TTC28: variants seen among roughly 807,000 people sequenced by gnomAD.
TTC28 encodes the protein tetratricopeptide repeat domain 28.
TTC28 carries 61 observed loss-of-function variants against 198.0 expected under a neutral mutation model. The ratio of observed to expected loss-of-function variants is 0.31; its 90% CI spans 0.25 to 0.38. TTC28 has a LOEUF of 0.38. Ranked by LOEUF, TTC28 falls within the 10% of genes least tolerant of loss-of-function variation. TTC28 has a pLI of 1.00. For synonymous variants in TTC28, 1,171 were observed against 1,297.8 expected (o/e 0.90, Z 2.10); for missense variants, 2,678 against 3,164.0 (o/e 0.85, Z 3.69).
At chr22:28,080,799 T>C (rs980284433) in intron 12 of TTC28, among the ~76,000 whole-genome samples, 1 of 152,184 alleles carries the variant, frequency 6.6e-6, no homozygotes, top group Admixed American at 6.5e-5. Flanking sequence ...TGTTTTCCTT[T>C]AGGAGTTTTA....
intron 5 of TTC28, among the ~76,000 whole-genome samples, chr22:28,201,858 G>T (rs1925981990): frequency 6.6e-6 from 1 of 151,890 alleles, no homozygotes; most frequent in Non-Finnish European, 1.5e-5. Context: ...CCTGAACAGG[G>T]GTGATGGCCC....
chr22:28,345,745 T>C (rs1444322268), intron 2 of TTC28, among the ~76,000 whole-genome samples: 2 of 152,160 alleles, frequency 1.3e-5, no homozygotes, highest in Non-Finnish European at 2.9e-5. Flanking sequence ...TTATATTGGT[T>C]TTACGAAAAC....
At position 27,979,693 on chromosome 22, in the gene TTC28, T is replaced by TTTAA. The variant is rs1240760687; in HGVS notation, c.*2524_*2527dup. 6.6e-6 allele frequency: 1 copy of TTTAA among 152,240 alleles called. No homozygotes were observed. The highest frequency in any genetic ancestry group is 1.9e-4 in the East Asian group (1 of 5,200). The allele number at this position is 152,240 out of a possible 1,614,324, so 9.4% of individuals were successfully genotyped here. On this transcript the variant is annotated 3_prime_UTR_variant, in exon 23 of 23. Coordinates refer to ENST00000397906, the MANE Select transcript of TTC28 (RefSeq NM_001145418.2). Reference sequence around the variant, plus strand: ...AATCTTGGTGAATTATACAATTTCCTTTAATTCTAAGTGCATACTTTTTCC... The same window carrying TTTAA: ...AATCTTGGTGAATTATACAATTTCCTTTAATTAATTCTAAGTGCATACTTTTTCC...
chr22:28,229,158 AAAAC>A (rs753373051), intron 5 of TTC28, among the ~76,000 whole-genome samples: 1 of 152,350 alleles, frequency 6.6e-6, no homozygotes, highest in Admixed American at 6.5e-5. Flanking sequence ...TCCATCTCAA[AAAAC>A]AAACAAACAA....
At chr22:28,051,961 A>G (rs1463285544) in intron 12 of TTC28, among the ~76,000 whole-genome samples, 1 of 152,042 alleles carries the variant, frequency 6.6e-6, no homozygotes, top group African/African-American at 2.4e-5. Context: ...GTTACTTTGG[A>G]GCTTCCATGA....
chr22:28,369,678 T>C (rs575485377), intron 2 of TTC28, among the ~76,000 whole-genome samples: 26 of 152,172 alleles, frequency 1.7e-4, no homozygotes, highest in Non-Finnish European at 2.9e-4. Flanking sequence ...CTCCTTTCCT[T>C]AAATATAATA....
intron 5 of TTC28, among the ~76,000 whole-genome samples, chr22:28,236,964 G>A (rs1028505048): frequency 6.6e-6 from 1 of 152,066 alleles, no homozygotes; most frequent in Non-Finnish European, 1.5e-5. Context: ...ACCTATAATG[G>A]CCTCTCCCAA....
chr22:28,505,397 G>C (rs988019828), intron 2 of TTC28, among the ~76,000 whole-genome samples: 67 of 152,068 alleles, frequency 4.4e-4, no homozygotes, highest in South Asian at 2.1e-4. Context: ...GAAATATCCA[G>C]GTCCTCACAG....
chr22:28,641,404 C>A (rs2051363519), intron 1 of TTC28, among the ~76,000 whole-genome samples: 2 of 151,798 alleles, frequency 1.3e-5, no homozygotes, highest in African/African-American at 4.8e-5. Context: ...GTGCAAGAAG[C>A]AAGTCACAAA....
At chr22:28,170,985 T>G (rs1395040380) in intron 5 of TTC28, among the ~76,000 whole-genome samples, 2 of 151,774 alleles carry the variant, frequency 1.3e-5, no homozygotes, top group Non-Finnish European at 2.9e-5. Context: ...TCATTCTTTT[T>G]TTTTTTTTTT....
At chr22:28,432,082 G>T (rs1205707777) in intron 2 of TTC28, among the ~76,000 whole-genome samples, 1 of 151,844 alleles carries the variant, frequency 6.6e-6, no homozygotes, top group African/African-American at 2.4e-5. Context: ...TCAGGAGATC[G>T]AGACCATCCT....
chr22:28,322,951 C>G (rs2045470248), intron 2 of TTC28, among the ~76,000 whole-genome samples: 1 of 152,178 alleles, frequency 6.6e-6, no homozygotes, highest in South Asian at 2.1e-4. Context: ...CAGTCTTCAA[C>G]ATTTTCTACT....
At chr22:28,316,715 AAGTTC>A (rs1327616142) in intron 2 of TTC28, among the ~76,000 whole-genome samples, 1 of 152,032 alleles carries the variant, frequency 6.6e-6, no homozygotes, top group Non-Finnish European at 1.5e-5. Context: ...TTGTTTTTGA[AAGTTC>A]AGTTTTCAGT....
At chr22:28,013,711 G>A (rs1026658345) in intron 14 of TTC28, among the ~76,000 whole-genome samples, 6 of 152,192 alleles carry the variant, frequency 3.9e-5, no homozygotes, top group African/African-American at 1.4e-4. Flanking sequence ...GGCGCAAGGT[G>A]CAAAGAAGCC....
chr22:28,188,323 T>C (rs1054119429), intron 5 of TTC28, among the ~76,000 whole-genome samples: 4 of 151,932 alleles, frequency 2.6e-5, no homozygotes, highest in Non-Finnish European at 4.4e-5. Flanking sequence ...GGTAGCTAAT[T>C]TAGTAGGACA....
In TTC28 at chr22:28,417,213, C is replaced by G. The variant is rs539113211; in HGVS notation, c.382-110570G>C. ...AGACCAGCCTAGGCAAGAGTAATCC[C>G]AACACTTTGAGAGGCCAAAGTGGGA... On this transcript the variant is annotated intron_variant, in intron 2 of 22. Transcript: ENST00000397906. 2.3e-3 allele frequency among the ~76,000 whole-genome samples: 336 copies of G among 147,750 alleles called. 1 individual carries two copies. Among genetic ancestry groups the G allele is most frequent in the Admixed American group, 5.0e-3 (72 of 14,498 alleles).
At chr22:28,444,527 G>T (rs1046815563) in intron 2 of TTC28, among the ~76,000 whole-genome samples, 1 of 152,164 alleles carries the variant, frequency 6.6e-6, no homozygotes, top group African/African-American at 2.4e-5. Flanking sequence ...TTAGCTGAAT[G>T]AACAGGTACT....
intron 2 of TTC28, among the ~76,000 whole-genome samples, chr22:28,342,700 G>T (rs1196178530): frequency 6.6e-6 from 1 of 152,110 alleles, no homozygotes; most frequent in Non-Finnish European, 1.5e-5. Flanking sequence ...CTTTCATACA[G>T]ATCCAATCAA....
At chr22:28,418,940 A>C (rs1024795705) in intron 2 of TTC28, among the ~76,000 whole-genome samples, 1 of 152,184 alleles carries the variant, frequency 6.6e-6, no homozygotes, top group African/African-American at 2.4e-5. Flanking sequence ...TGGCTGAACA[A>C]AATCAAAGAG....
Sources: allele counts gnomAD v4.1 joint callset (sites outside exome capture counted in the v4.1 genomes callset), GRCh38; gene constraint gnomAD v4.1.1; transcripts MANE v1.5; gene names NCBI Gene and HGNC (gene_info 2026-07-23, HGNC 2026-07-21).